Variants in LPP observed in about 807,000 individuals in gnomAD.
LPP encodes lipoma-preferred partner.
LPP carries 38 observed loss-of-function variants against 60.4 expected under a neutral mutation model. That is an observed-to-expected ratio of 0.63 (90% CI 0.49 to 0.83). The LOEUF is 0.83. Ranked by LOEUF, LPP falls within the 40% of genes least tolerant of loss-of-function variation. The pLI is 0.00. For missense variants in LPP, 902 were observed against 783.6 expected, an observed-to-expected ratio of 1.15 and a Z score of -1.80; for synonymous variants, 328 against 290.8, an observed-to-expected ratio of 1.13 and a Z score of -1.30.
At chr3:188,657,903 A>G (rs1185472188) in intron 7 of LPP, among the ~76,000 whole-genome samples, 2 of 152,206 alleles carry the variant, frequency 1.3e-5, no homozygotes, top group African/African-American at 2.4e-5. Flanking sequence ...ACATTGTTAG[A>G]GTAGATACTG....
intron 3 of LPP, among the ~76,000 whole-genome samples, chr3:188,374,093 C>T (rs1486447735): frequency 2.0e-5 from 3 of 152,166 alleles, no homozygotes; most frequent in African/African-American, 7.2e-5. Context: ...CCGTACCATG[C>T]TGCTTTGGTT....
chr3:188,530,832 A>G (rs1821992118), intron 6 of LPP, among the ~76,000 whole-genome samples: 1 of 152,230 alleles, frequency 6.6e-6, no homozygotes, highest in Admixed American at 6.5e-5. Flanking sequence ...AAGCTAGTAT[A>G]TATCTAAACC....
intron 4 of LPP, among the ~76,000 whole-genome samples, chr3:188,426,890 C>A (rs1789521514): frequency 6.6e-6 from 1 of 152,084 alleles, no homozygotes; most frequent in African/African-American, 2.4e-5. Flanking sequence ...ACTGATGGGT[C>A]TTGACGCTTT....
chr3:188,662,771 G>A lies in LPP; in HGVS notation c.1114-45496G>A, dbSNP rs114483345. ...TATTGCCTATATCTAATTTATCTTT[G>A]TGCAATGCACACATTCGTGAATTTC... is the stretch of plus-strand genomic sequence containing the variant. On this transcript the variant is annotated intron_variant, in intron 7 of 11. Transcript: ENST00000617246. Among the ~76,000 whole-genome samples the A allele has an allele frequency of 5.7e-3, 872 of 152,234 alleles. 7 individuals are homozygous for A. The highest frequency in any genetic ancestry group is 0.02 in the African/African-American group (837 of 41,534).
intron 6 of LPP, among the ~76,000 whole-genome samples, chr3:188,551,728 A>G (rs1368209006): frequency 6.6e-6 from 1 of 152,156 alleles, no homozygotes; most frequent in African/African-American, 2.4e-5. Context: ...GAAGATGGTG[A>G]CAGCTACTGA....
rs1316545462 is a variant in LPP, at chr3:188,884,955, G to T, written c.*10476G>T. The T allele has an allele frequency of 1.8e-5, 4 of 216,636 alleles. No individual in the cohort carries two copies. Among genetic ancestry groups the T allele is most frequent in the African/African-American group, 9.0e-5 (4 of 44,420 alleles). 13.4% of individuals were successfully genotyped at this position (216,636 alleles called of 1,614,324 possible). A position where few individuals can be genotyped will look rare whatever the true frequency, so the allele number is the denominator to read the frequency against. On this transcript the variant is annotated 3_prime_UTR_variant, in exon 12 of 12. Transcript: ENST00000617246. Reference sequence around the variant, plus strand: ...GATAGACTTTGCTTCCCAGGATGCTGTCATTTTGTGATTTTTTATAATTAC... The same window carrying T: ...GATAGACTTTGCTTCCCAGGATGCTTTCATTTTGTGATTTTTTATAATTAC...
At chr3:188,235,985 T>A (rs1174633987) in intron 2 of LPP, among the ~76,000 whole-genome samples, 1 of 152,074 alleles carries the variant, frequency 6.6e-6, no homozygotes, top group African/African-American at 2.4e-5. Flanking sequence ...GTATAATAGT[T>A]TGCAAATAGT....
chr3:188,258,888 C>G (rs751875439), intron 2 of LPP, among the ~76,000 whole-genome samples: 35 of 152,066 alleles, frequency 2.3e-4, no homozygotes, highest in Middle Eastern at 3.4e-3. Flanking sequence ...TTTGAGATGT[C>G]TTAGGCTGTG....
intron 2 of LPP, among the ~76,000 whole-genome samples, chr3:188,243,839 G>C (rs940470761): frequency 6.6e-6 from 1 of 151,804 alleles, no homozygotes; most frequent in African/African-American, 2.4e-5. Context: ...TCTGAGTTCA[G>C]GTCCACATCT....
chr3:188,232,521 T>A (rs1361516125), intron 2 of LPP, among the ~76,000 whole-genome samples: 44 of 128,174 alleles, frequency 3.4e-4, no homozygotes, highest in African/African-American at 1.4e-3. Context: ...TTTTTTTTTT[T>A]TTTTTTGTAT....
chr3:188,675,638 A>G (rs1210990307), intron 7 of LPP, among the ~76,000 whole-genome samples: 1 of 152,184 alleles, frequency 6.6e-6, no homozygotes, highest in Non-Finnish European at 1.5e-5. Flanking sequence ...CAAGTCATGT[A>G]ACCGTTCAGG....
intron 6 of LPP, among the ~76,000 whole-genome samples, chr3:188,538,697 A>C (rs115073831): frequency 0.014 from 2,120 of 152,350 alleles, 25 homozygotes; most frequent in South Asian, 0.049. Flanking sequence ...CAAGGGAATT[A>C]AAATATATGA....
intron 7 of LPP, among the ~76,000 whole-genome samples, chr3:188,649,498 T>C (rs1181156581): frequency 6.6e-6 from 1 of 152,156 alleles, no homozygotes; most frequent in Non-Finnish European, 1.5e-5. Context: ...AACTCAGAGC[T>C]CCTGCAGTGA....
intron 9 of LPP, among the ~76,000 whole-genome samples, chr3:188,810,809 G>A (rs1750712057): frequency 6.6e-6 from 1 of 152,004 alleles, no homozygotes; most frequent in South Asian, 2.1e-4. Context: ...TTGTATGGGT[G>A]GGAGTGGTGC....
At chr3:188,338,484 A>G (rs1762245395) in intron 2 of LPP, among the ~76,000 whole-genome samples, 1 of 152,232 alleles carries the variant, frequency 6.6e-6, no homozygotes, top group African/African-American at 2.4e-5. Flanking sequence ...TATGAAAATG[A>G]CCAAATTATT....
chr3:188,787,251 TTTC>T (rs1413771040), intron 9 of LPP, among the ~76,000 whole-genome samples: 1 of 151,058 alleles, frequency 6.6e-6, no homozygotes, highest in African/African-American at 2.4e-5. Flanking sequence ...CTCTACGTTA[TTTC>T]TTTCAACTTC....
intron 5 of LPP, among the ~76,000 whole-genome samples, chr3:188,496,123 T>A (rs1810120232): frequency 6.6e-6 from 1 of 151,542 alleles, no homozygotes; most frequent in Non-Finnish European, 1.5e-5. Flanking sequence ...AATTTCAAAA[T>A]TGACGTCTTT....
intron 9 of LPP, among the ~76,000 whole-genome samples, chr3:188,862,731 AT>A (rs1322962755): frequency 0.054 from 6,957 of 129,594 alleles, 519 homozygotes; most frequent in African/African-American, 0.086. Flanking sequence ...AAATAAATAA[AT>A]AAATAAAAGA....
intron 7 of LPP, among the ~76,000 whole-genome samples, chr3:188,675,806 G>C (rs183957466): frequency 1.3e-5 from 2 of 152,270 alleles, no homozygotes; most frequent in Admixed American, 1.3e-4. Flanking sequence ...TATCAGAAAA[G>C]GTATGTTCTT....
Sources: gnomAD v4.1 joint callset for allele counts (sites outside exome capture counted in the v4.1 genomes callset) on GRCh38, gnomAD v4.1.1 for gene constraint, MANE v1.5 for transcripts, NCBI Gene and HGNC (gene_info 2026-07-23, HGNC 2026-07-21) for gene names.